The following FAM53B variants were observed in gnomAD, a reference collection of about 807,000 sequenced individuals.
FAM53B encodes the protein protein FAM53B.
In FAM53B, 12 loss-of-function variants were observed where a neutral mutation model predicts 32.7. The ratio of observed to expected loss-of-function variants is 0.37; its 90% confidence interval spans 0.24 to 0.59. FAM53B has a LOEUF of 0.59. Ranked by LOEUF, FAM53B falls within the 20% of genes least tolerant of loss-of-function variation. FAM53B has a pLI of 0.72. For synonymous variants in FAM53B, 234 were observed against 228.7 expected (o/e 1.02, Z -0.21); for missense variants, 477 against 577.7 (o/e 0.83, Z 1.79).
chr10:124,633,461 TAAAC>T (rs1489563590), intron 4 of FAM53B, among the ~76,000 whole-genome samples: 1 of 151,984 alleles, frequency 6.6e-6, no homozygotes, highest in Non-Finnish European at 1.5e-5. Context: ...AATGAAAAAA[TAAAC>T]AAGTGAGATT....
intron 4 of FAM53B, among the ~76,000 whole-genome samples, chr10:124,653,384 G>A (rs577766245): frequency 4.6e-5 from 7 of 152,186 alleles, no homozygotes; most frequent in East Asian, 3.9e-4. Context: ...GGGCTCTGGC[G>A]TGGGGACCCT....
At chr10:124,628,564 G>A (rs1156257537) in intron 4 of FAM53B, among the ~76,000 whole-genome samples, 1 of 152,206 alleles carries the variant, frequency 6.6e-6, no homozygotes, top group African/African-American at 2.4e-5. Flanking sequence ...TGGCCAGGCT[G>A]CTTCACAGGG....
At position 124,620,360 on chromosome 10, in the gene FAM53B, C is replaced by CCCCCG. The variant is rs1564858002; in HGVS notation, c.*2881_*2882insCGGGG. 1 of 143,940 alleles carries CCCCCG rather than the reference C, an allele frequency of 6.9e-6. No individual in the cohort carries two copies. Among genetic ancestry groups the CCCCCG allele is most frequent in the Non-Finnish European group, 1.5e-5 (1 of 65,572 alleles). 8.9% of individuals were successfully genotyped at this position (143,940 alleles called of 1,614,324 possible). ...TGGGGTGCATGTGGCACTAAGCCCC[C>CCCCCG]CCCACCGCCCCGGCTTTCCTGCAGG... On this transcript the variant is annotated 3_prime_UTR_variant, in exon 5 of 5. Coordinates refer to ENST00000337318, the MANE Select transcript of FAM53B (RefSeq NM_014661.4).
chr10:124,685,682 A>G (rs192220792), intron 3 of FAM53B, among the ~76,000 whole-genome samples: 2 of 152,286 alleles, frequency 1.3e-5, no homozygotes, highest in Admixed American at 1.3e-4. Flanking sequence ...TTTTTGCACC[A>G]CTGGCCTGGA....
intron 3 of FAM53B, among the ~76,000 whole-genome samples, chr10:124,693,704 C>T (rs893884945): frequency 1.3e-5 from 2 of 152,128 alleles, no homozygotes; most frequent in Non-Finnish European, 2.9e-5. Context: ...CTCCTTAAAT[C>T]CTCACAACTT....
At chr10:124,730,068 T>C (rs1412343513) in intron 1 of FAM53B, among the ~76,000 whole-genome samples, 9 of 152,234 alleles carry the variant, frequency 5.9e-5, no homozygotes, top group Non-Finnish European at 1.2e-4. Context: ...CTGAGGTACC[T>C]GGAACTCACC....
intron 4 of FAM53B, among the ~76,000 whole-genome samples, chr10:124,664,478 C>T (rs1047268304): frequency 3.3e-5 from 5 of 152,244 alleles, no homozygotes; most frequent in Non-Finnish European, 7.3e-5. Context: ...AAGCCCAGAT[C>T]CGCCATCACA....
At position 124,732,998 on chromosome 10, in the gene FAM53B, G is replaced by A. The variant is rs574297324; in HGVS notation, c.-175+11015C>T. ...TGCTCAACTTTTGGCCTATGCGGAC[G>A]CAGCCAGGCCAGATCCTCTTTTACT... On this transcript the variant is annotated intron_variant, in intron 1 of 4. Transcript: ENST00000337318. Among the ~76,000 whole-genome samples the A allele has an allele frequency of 1.6e-4, 25 of 152,240 alleles. No homozygotes were observed. The South Asian group carries it at 4.4e-3, about 27-fold the overall frequency.
intron 3 of FAM53B, among the ~76,000 whole-genome samples, chr10:124,695,062 T>A (rs1052199385): frequency 5.3e-5 from 8 of 152,104 alleles, no homozygotes; most frequent in African/African-American, 1.4e-4. Context: ...ATCTGACACA[T>A]CACCTCATCT....
At chr10:124,691,344 T>C (rs1410322350) in intron 3 of FAM53B, among the ~76,000 whole-genome samples, 2 of 152,236 alleles carry the variant, frequency 1.3e-5, no homozygotes, top group South Asian at 2.1e-4. Flanking sequence ...AGGGCTGCTA[T>C]AATATTTTTA....
At chr10:124,662,386 G>A (rs985884953) in intron 4 of FAM53B, among the ~76,000 whole-genome samples, 1 of 152,108 alleles carries the variant, frequency 6.6e-6, no homozygotes, top group Non-Finnish European at 1.5e-5. Flanking sequence ...GAAGAATCCA[G>A]GCCTCCTGCC....
chr10:124,647,424 C>A (rs938874974), intron 4 of FAM53B, among the ~76,000 whole-genome samples: 1 of 152,172 alleles, frequency 6.6e-6, no homozygotes, highest in Non-Finnish European at 1.5e-5. Flanking sequence ...GAGTGTTGAT[C>A]TGTACATTTT....
intron 4 of FAM53B, among the ~76,000 whole-genome samples, chr10:124,647,779 G>T (rs899292182): frequency 2.0e-5 from 3 of 152,198 alleles, no homozygotes; most frequent in African/African-American, 7.2e-5. Context: ...ATGGCTGCTT[G>T]AGATGAGCCG....
At chr10:124,697,097 CAG>C (rs1949878432) in intron 2 of FAM53B, among the ~76,000 whole-genome samples, 1 of 152,122 alleles carries the variant, frequency 6.6e-6, no homozygotes, top group African/African-American at 2.4e-5. Flanking sequence ...CTCTCATGAG[CAG>C]AGACTACCCA....
intron 4 of FAM53B, among the ~76,000 whole-genome samples, chr10:124,670,252 G>C (rs185702047): frequency 7.9e-4 from 120 of 152,250 alleles, no homozygotes; most frequent in Non-Finnish European, 1.4e-3. Flanking sequence ...GCATCTCTCT[G>C]GTATGCTTTC....
At chr10:124,649,723 C>G (rs1274544965) in intron 4 of FAM53B, among the ~76,000 whole-genome samples, 1 of 152,194 alleles carries the variant, frequency 6.6e-6, no homozygotes, top group Non-Finnish European at 1.5e-5. Context: ...CTGGCGGTGT[C>G]CCTGGTCTCC....
chr10:124,686,107 C>T (rs925669148), intron 3 of FAM53B, among the ~76,000 whole-genome samples: 2 of 152,218 alleles, frequency 1.3e-5, no homozygotes, highest in African/African-American at 2.4e-5. Flanking sequence ...AGTACAACTC[C>T]TCCCCCCAGC....
intron 3 of FAM53B, among the ~76,000 whole-genome samples, chr10:124,685,263 T>G (rs192837866): frequency 6.6e-6 from 1 of 152,266 alleles, no homozygotes; most frequent in African/African-American, 2.4e-5. Context: ...TGTTCTTCTA[T>G]AGTCTCCAAA....
chr10:124,695,930 A>G (rs1255504391), intron 3 of FAM53B, among the ~76,000 whole-genome samples: 2 of 152,232 alleles, frequency 1.3e-5, no homozygotes, highest in Non-Finnish European at 2.9e-5. Context: ...AATTACTTTA[A>G]TCATCAGACA....
Sources: allele counts gnomAD v4.1 joint callset (sites outside exome capture counted in the v4.1 genomes callset), GRCh38; gene constraint gnomAD v4.1.1; transcripts MANE v1.5; gene names NCBI Gene and HGNC (gene_info 2026-07-23, HGNC 2026-07-21).